Variants in WASF2 observed in about 807,000 individuals in gnomAD.
WASF2 encodes WASP family member 2.
Under a neutral mutation model 45.0 loss-of-function variants are expected in WASF2, and 14 were observed. The ratio of observed to expected loss-of-function variants is 0.31; its 90% CI spans 0.21 to 0.49. WASF2 has a LOEUF of 0.49. Among genes scored for constraint, WASF2 ranks in the 20% least tolerant of loss-of-function variants. WASF2 has a pLI of 0.99. For synonymous variants in WASF2, 200 were observed against 236.3 expected (o/e 0.85, Z 1.41); for missense variants, 439 against 636.1 (o/e 0.69, Z 3.33).
intron 8 of WASF2, among the ~76,000 whole-genome samples, chr1:27,409,000 T>A (rs2016717359): frequency 6.6e-6 from 1 of 151,530 alleles, no homozygotes; most frequent in Non-Finnish European, 1.5e-5. Context: ...GTGATTCTTG[T>A]TTTTTTTCGA....
intron 1 of WASF2, among the ~76,000 whole-genome samples, chr1:27,467,533 C>T (rs958692552): frequency 2.3e-4 from 34 of 150,278 alleles, no homozygotes; most frequent in Non-Finnish European, 2.2e-4. Flanking sequence ...AATCTCCTGA[C>T]CTCGTGATCC....
chr1:27,435,582 T>A (rs756006468), intron 1 of WASF2, among the ~76,000 whole-genome samples: 22 of 114,360 alleles, frequency 1.9e-4, no homozygotes, highest in Admixed American at 9.4e-4. Flanking sequence ...GACTCTGATA[T>A]CCACCCTACT....
At chr1:27,462,749 T>C (rs2017563346) in intron 1 of WASF2, among the ~76,000 whole-genome samples, 1 of 152,230 alleles carries the variant, frequency 6.6e-6, no homozygotes, top group East Asian at 1.9e-4. Flanking sequence ...ATAAGATTAT[T>C]GAGAAAAATG....
At chr1:27,430,231 TC>T (rs1300388080) in intron 1 of WASF2, among the ~76,000 whole-genome samples, 1 of 152,232 alleles carries the variant, frequency 6.6e-6, no homozygotes, top group Non-Finnish European at 1.5e-5. Context: ...TGATCCTCTT[TC>T]CACATCTTAT....
At chr1:27,465,326 T>C (rs1181820258) in intron 1 of WASF2, among the ~76,000 whole-genome samples, 1 of 152,196 alleles carries the variant, frequency 6.6e-6, no homozygotes, top group Non-Finnish European at 1.5e-5. Flanking sequence ...GCATTTCAAG[T>C]CTAATTTACA....
chr1:27,454,490 C>T (rs1159422144), intron 1 of WASF2, among the ~76,000 whole-genome samples: 1 of 151,924 alleles, frequency 6.6e-6, no homozygotes, highest in African/African-American at 2.4e-5. Flanking sequence ...GCAGGCACCA[C>T]CAATGCCCAG....
At chr1:27,464,495 T>C (rs373225187) in intron 1 of WASF2, among the ~76,000 whole-genome samples, 2 of 152,166 alleles carry the variant, frequency 1.3e-5, no homozygotes, top group Non-Finnish European at 2.9e-5. Context: ...CATATATTAC[T>C]ACTCCCAATT....
chr1:27,450,650 G>A (rs1041501220), intron 1 of WASF2, among the ~76,000 whole-genome samples: 10 of 152,004 alleles, frequency 6.6e-5, no homozygotes, highest in Admixed American at 6.6e-4. Flanking sequence ...ACAGGCACGC[G>A]CCCCACGCCT....
intron 7 of WASF2, among the ~76,000 whole-genome samples, chr1:27,411,225 G>A (rs1557595293): frequency 1.3e-5 from 2 of 152,182 alleles, no homozygotes; most frequent in Non-Finnish European, 2.9e-5. Context: ...GGAGAAAAGT[G>A]CACCTTTCAA....
intron 5 of WASF2, among the ~76,000 whole-genome samples, chr1:27,415,189 C>T (rs2016811069): frequency 1.3e-5 from 2 of 152,202 alleles, no homozygotes; most frequent in Non-Finnish European, 2.9e-5. Flanking sequence ...ATGCCTCCAG[C>T]AACGGGAACC....
chr1:27,474,920 C>T (rs1466207867), intron 1 of WASF2, among the ~76,000 whole-genome samples: 1 of 152,056 alleles, frequency 6.6e-6, no homozygotes, highest in Non-Finnish European at 1.5e-5. Flanking sequence ...CCACTGCACT[C>T]CAGCCTAGGT....
At chr1:27,439,031 G>A (rs2017173935) in intron 1 of WASF2, among the ~76,000 whole-genome samples, 1 of 152,138 alleles carries the variant, frequency 6.6e-6, no homozygotes, top group Non-Finnish European at 1.5e-5. Context: ...TCTAACCTCA[G>A]TTTACCAGGA....
intron 2 of WASF2, among the ~76,000 whole-genome samples, chr1:27,422,518 C>A (rs2016922571): frequency 6.7e-6 from 1 of 149,316 alleles, no homozygotes; most frequent in Non-Finnish European, 1.5e-5. Flanking sequence ...ACTCAGGAGG[C>A]TGAGGCAGGA....
chr1:27,429,555 C>T (rs750995014), intron 1 of WASF2, among the ~76,000 whole-genome samples: 32 of 152,082 alleles, frequency 2.1e-4, no homozygotes, highest in Non-Finnish European at 4.4e-4. Context: ...GCAGGTGGAT[C>T]ACCTAAGGCC....
At position 27,414,194 on chromosome 1, in the gene WASF2, C is replaced by G. The variant is rs542484274; in HGVS notation, c.668+639G>C. 1.8e-4 allele frequency among the ~76,000 whole-genome samples: 27 copies of G among 152,308 alleles called. No homozygotes were observed. Among genetic ancestry groups the G allele is most frequent in the African/African-American group, 6.0e-4 (25 of 41,582 alleles). ...GTCAGACACCAGGATAAGCATCAAA[C>G]CAAGCTTTAAAACCATCTTTTTCCC... On this transcript the variant is annotated intron_variant, in intron 6 of 8. Transcript: ENST00000618852. This position sits in a 1 kb window ranked among gnomAD's most constrained non-coding sequence, Gnocchi z 4.1.
intron 1 of WASF2, among the ~76,000 whole-genome samples, chr1:27,487,791 A>C (rs1340054176): frequency 7.2e-6 from 1 of 138,066 alleles, no homozygotes; most frequent in South Asian, 2.1e-4. Context: ...TTATATTCTT[A>C]TTATGTTATA....
intron 1 of WASF2, among the ~76,000 whole-genome samples, chr1:27,489,082 G>A (rs1376804399): frequency 6.6e-6 from 1 of 151,854 alleles, no homozygotes; most frequent in African/African-American, 2.4e-5. Context: ...CTCTTCTCCG[G>A]TTCTATGGAC....
chr1:27,446,536 T>C (rs1396854650), intron 1 of WASF2, among the ~76,000 whole-genome samples: 1 of 152,064 alleles, frequency 6.6e-6, no homozygotes, highest in Middle Eastern at 3.2e-3. Flanking sequence ...CAACCAGCAC[T>C]TTGGGAGGCT....
intron 1 of WASF2, among the ~76,000 whole-genome samples, chr1:27,449,611 A>T (rs1342576061): frequency 6.6e-6 from 1 of 152,016 alleles, no homozygotes; most frequent in African/African-American, 2.4e-5. Flanking sequence ...AAAAAAAAAA[A>T]AGTTTATCAA....
Sources: gnomAD v4.1 joint callset for allele counts (sites outside exome capture counted in the v4.1 genomes callset) on GRCh38, gnomAD v4.1.1 for gene constraint, Gnocchi (gnomAD v3.1) non-coding constraint, MANE v1.5 for transcripts, NCBI Gene and HGNC (gene_info 2026-07-23, HGNC 2026-07-21) for gene names.